Variants in COBL observed in about 807,000 individuals in gnomAD.
COBL encodes the protein cordon-bleu WH2 repeat protein.
In COBL, 51 loss-of-function variants were observed where a neutral mutation model predicts 98.8. That is an observed-to-expected ratio of 0.52 (90% CI 0.41 to 0.65). COBL has a LOEUF of 0.65. Among genes scored for constraint, COBL ranks in the 30% least tolerant of loss-of-function variants. The pLI, the probability that COBL is intolerant of heterozygous loss-of-function variation, is 0.00. For synonymous variants in COBL, 634 were observed against 651.7 expected (o/e 0.97, Z 0.41); for missense variants, 1,617 against 1,617.5 (o/e 1.00, Z 0.01).
intron 2 of COBL, among the ~76,000 whole-genome samples, chr7:51,201,980 T>G (rs1174575810): frequency 6.6e-6 from 1 of 152,218 alleles, no homozygotes; most frequent in African/African-American, 2.4e-5. Context: ...AACCATCCCT[T>G]TGTCCAATGT....
intron 5 of COBL, among the ~76,000 whole-genome samples, chr7:51,169,618 T>C (rs1787656806): frequency 6.6e-6 from 1 of 152,198 alleles, no homozygotes; most frequent in African/African-American, 2.4e-5. Context: ...AAATACCACA[T>C]GTTCTCACTT....
At chr7:51,277,196 C>G (rs1472523308) in intron 1 of COBL, among the ~76,000 whole-genome samples, 1 of 152,182 alleles carries the variant, frequency 6.6e-6, no homozygotes, top group Non-Finnish European at 1.5e-5. Flanking sequence ...CGCAGGGACC[C>G]AAGCCAATGA....
chr7:51,264,010 TAGA>T (rs1797947786), intron 1 of COBL, among the ~76,000 whole-genome samples: 1 of 152,150 alleles, frequency 6.6e-6, no homozygotes, highest in Admixed American at 6.5e-5. Context: ...TCCACTTTTA[TAGA>T]AGATGAAACT....
At chr7:51,186,320 T>C (rs10254323) in intron 4 of COBL, among the ~76,000 whole-genome samples, 14,477 of 152,208 alleles carry the variant, frequency 0.095, 886 homozygotes, top group African/African-American at 0.17. Context: ...CAGGAGCATA[T>C]TGAATGCATA....
chr7:51,207,237 A>T (rs1438471789), intron 2 of COBL, among the ~76,000 whole-genome samples: 10 of 143,362 alleles, frequency 7.0e-5, no homozygotes, highest in Admixed American at 2.8e-4. Flanking sequence ...TACAGCGGAC[A>T]TTTTTTTTTT....
chr7:51,079,877 G>A (rs1793461839), intron 7 of COBL, among the ~76,000 whole-genome samples: 1 of 152,244 alleles, frequency 6.6e-6, no homozygotes, highest in Non-Finnish European at 1.5e-5. Context: ...GAGTTCAGAA[G>A]CCCCACATAT....
rs188868599 is a variant in COBL, at chr7:51,261,793, C to T, written c.42-41849G>A. ...ACCAGCCTTGACCAACATCGTGAAA[C>T]CCCCTCTCTACAAAAATTAGCTGGG... On this transcript the variant is annotated intron_variant, in intron 1 of 12. Coordinates refer to ENST00000265136, the MANE Select transcript of COBL (RefSeq NM_015198.5). 1.6e-3 allele frequency among the ~76,000 whole-genome samples: 251 copies of T among 152,282 alleles called. 2 individuals are homozygous for T. The highest frequency in any genetic ancestry group is 5.8e-3 in the African/African-American group (242 of 41,564).
chr7:51,083,552 C>T (rs1473500979), intron 7 of COBL, among the ~76,000 whole-genome samples: 2 of 152,230 alleles, frequency 1.3e-5, no homozygotes, highest in African/African-American at 2.4e-5. Context: ...TCAACACCCT[C>T]GACAGAGCTT....
chr7:51,086,358 GAAAAAAAAAAAAAAAA>G (rs57609497), intron 6 of COBL, among the ~76,000 whole-genome samples: 1 of 74,810 alleles, frequency 1.3e-5, no homozygotes, highest in Admixed American at 1.6e-4. Context: ...CTGTGTCTCA[GAAAAAAAAAAAAAAAA>G]AAAAAAAAAA....
At chr7:51,136,894 T>C (rs1398775899) in intron 5 of COBL, among the ~76,000 whole-genome samples, 1 of 152,180 alleles carries the variant, frequency 6.6e-6, no homozygotes, top group Non-Finnish European at 1.5e-5. Flanking sequence ...CCGTACTTAG[T>C]GACAGATACC....
intron 1 of COBL, among the ~76,000 whole-genome samples, chr7:51,250,736 C>G (rs762364965): frequency 2.7e-4 from 41 of 152,166 alleles, no homozygotes; most frequent in Non-Finnish European, 3.5e-4. Context: ...ATTATGTAAG[C>G]TGGAAAAAGG....
intron 12 of COBL, chr7:51,020,952 G>A (rs115833110): frequency 8.0e-4 from 122 of 152,362 alleles, no homozygotes; most frequent in African/African-American, 2.8e-3. Context: ...TACTGCCAAT[G>A]TGAAATTTGT....
rs1788551392 is a variant in COBL at position 51,035,509 on chromosome 7, T to C, written c.1407-4600A>G. 2.6e-5 allele frequency: 4 copies of C among 152,352 alleles called. 1 individual carries two copies. The Middle Eastern group carries it at 0.01, about 389-fold the overall frequency. The allele number at this position is 152,352 out of a possible 1,614,324, so 9.4% of individuals were successfully genotyped here. A position where few individuals can be genotyped will look rare whatever the true frequency, so the allele number is the denominator to read the frequency against. On this transcript the variant is annotated intron_variant, in intron 8 of 12. Coordinates refer to ENST00000265136, the MANE Select transcript of COBL (RefSeq NM_015198.5). ...GAAGCCTGGGAAAATATGCAGTTGA[T>C]GATAGTCGTATGTGCTTAACCTCCC...
At chr7:51,116,731 A>C (rs1324232108) in intron 6 of COBL, among the ~76,000 whole-genome samples, 1 of 151,944 alleles carries the variant, frequency 6.6e-6, no homozygotes, top group Non-Finnish European at 1.5e-5. Context: ...ATTTCTGTTA[A>C]GTGTTTCTTT....
intron 6 of COBL, among the ~76,000 whole-genome samples, chr7:51,109,451 C>T (rs540404219): frequency 6.6e-6 from 1 of 152,294 alleles, no homozygotes; most frequent in Admixed American, 6.5e-5. Context: ...TCGCCACCTT[C>T]ACTGCACTGC....
rs116767096 is a variant in COBL, at chr7:51,297,989, G to A, written c.41+18604C>T. 2.9e-3 allele frequency among the ~76,000 whole-genome samples: 442 copies of A among 152,244 alleles called. 8 individuals are homozygous for A. The highest frequency in any genetic ancestry group is 1.0e-2 in the African/African-American group (415 of 41,556). On this transcript the variant is annotated intron_variant, in intron 1 of 12. Coordinates refer to ENST00000265136, the MANE Select transcript of COBL (RefSeq NM_015198.5). ...AAAGATGGGGCCTAATTTCCCTCCCGAGTGTGGGCTGGACTTAGTGACTTG... is the reference window on the plus strand; with the variant it reads ...AAAGATGGGGCCTAATTTCCCTCCCAAGTGTGGGCTGGACTTAGTGACTTG...
intron 4 of COBL, among the ~76,000 whole-genome samples, chr7:51,185,077 T>C (rs1007910740): frequency 1.6e-4 from 25 of 152,230 alleles, no homozygotes; most frequent in African/African-American, 5.8e-4. Flanking sequence ...TCAACCCCTC[T>C]TGAATTTTTC....
At chr7:51,084,314 G>A (rs948175263) in intron 7 of COBL, among the ~76,000 whole-genome samples, 3 of 152,050 alleles carry the variant, frequency 2.0e-5, no homozygotes, top group African/African-American at 7.2e-5. Context: ...TGCCTGGGTG[G>A]GTTAAAGGGC....
chr7:51,097,169 T>C (rs4948186), intron 6 of COBL, among the ~76,000 whole-genome samples: 59,154 of 151,998 alleles, frequency 0.39, 12,016 homozygotes, highest in African/African-American at 0.51. Flanking sequence ...TCCTGGAAGG[T>C]AAGAATGCTT....
Sources: gnomAD v4.1 joint callset for allele counts (sites outside exome capture counted in the v4.1 genomes callset) on GRCh38, gnomAD v4.1.1 for gene constraint, MANE v1.5 for transcripts, NCBI Gene and HGNC (gene_info 2026-07-23, HGNC 2026-07-21) for gene names.